The following CFAP58 variants were observed in gnomAD, a reference collection of about 807,000 sequenced individuals.
CFAP58 encodes cilia and flagella associated protein 58.
In CFAP58, 88 loss-of-function variants were observed where a neutral mutation model predicts 119.5. The observed-to-expected ratio is 0.74, with a 90% CI of 0.62 to 0.88. The LOEUF is 0.88. Ranked by LOEUF, CFAP58 falls within the 40% of genes least tolerant of loss-of-function variation. CFAP58 has a pLI of 0.00. For missense variants in CFAP58, 990 were observed against 1,021.2 expected (o/e 0.97, Z 0.42); for synonymous variants, 365 against 366.3 (o/e 1.00, Z 0.04).
At chr10:104,398,226 A>G (rs1173778173) in intron 11 of CFAP58, among the ~76,000 whole-genome samples, 2 of 152,238 alleles carry the variant, frequency 1.3e-5, no homozygotes, top group South Asian at 4.1e-4. Context: ...CTTGTTGGTT[A>G]TCCATCATCT....
At chr10:104,440,615 A>G (rs1051294332) in intron 15 of CFAP58, among the ~76,000 whole-genome samples, 3 of 152,222 alleles carry the variant, frequency 2.0e-5, no homozygotes, top group Non-Finnish European at 2.9e-5. Context: ...TAACAGAGGT[A>G]CATCAATAAC....
At chr10:104,387,258 T>A (rs1441452794) in intron 9 of CFAP58, among the ~76,000 whole-genome samples, 1 of 152,258 alleles carries the variant, frequency 6.6e-6, no homozygotes, top group African/African-American at 2.4e-5. Context: ...GAGGTTCAGC[T>A]GACCTAAACT....
chr10:104,399,422 A>G lies in CFAP58; in HGVS notation c.1737A>G (p.Glu579=), dbSNP rs61732098. The G allele has an allele frequency of 0.013, 20,930 of 1,613,946 alleles. 287 individuals are homozygous for G. Among genetic ancestry groups the G allele is most frequent in the South Asian group, 0.048 (4,391 of 91,068 alleles). ...LETKHFIEKQ[E]AEERKLLRII... ...CAAAACACTTTATTGAAAAGCAAGAAGCTGAAGAGAGAAAACTCCTGCGAA... is the reference window on the plus strand; with the variant it reads ...CAAAACACTTTATTGAAAAGCAAGAGGCTGAAGAGAGAAAACTCCTGCGAA... The change falls in exon 12 of 18, where the codon GAA becomes GAG. Residue 579 remains glutamate, a synonymous_variant. Transcript: ENST00000369704.
At chr10:104,397,278 C>T (rs2012181441) in intron 11 of CFAP58, among the ~76,000 whole-genome samples, 1 of 152,022 alleles carries the variant, frequency 6.6e-6, no homozygotes. Context: ...ACAGACAATC[C>T]CCCCAAGTGG....
chr10:104,400,148 C>G lies in CFAP58; in HGVS notation c.1816-532C>G, dbSNP rs566607341. Reference sequence around the variant, plus strand: ...GGCTACAGATTATTAGATGATTGGACTATTATTATTATTTTTGAGACAGAG... The same window carrying G: ...GGCTACAGATTATTAGATGATTGGAGTATTATTATTATTTTTGAGACAGAG... On this transcript the variant is annotated intron_variant, in intron 12 of 17. Coordinates refer to ENST00000369704, the MANE Select transcript of CFAP58 (RefSeq NM_001008723.2). 3.9e-5 allele frequency among the ~76,000 whole-genome samples: 6 copies of G among 152,006 alleles called. No individual in the cohort carries two copies. The East Asian group carries it at 1.2e-3, about 29-fold the overall frequency.
Position 104,406,806 on chromosome 10 carries a change from T to G in CFAP58, c.2256+13T>G, listed in dbSNP as rs1231458992. 1 of 1,602,588 alleles carries G rather than the reference T, an allele frequency of 6.2e-7. No homozygotes were observed. The highest frequency in any genetic ancestry group is 1.3e-5 in the African/African-American group (1 of 74,722). On this transcript the variant is annotated intron_variant, in intron 15 of 17. Coordinates refer to ENST00000369704, the MANE Select transcript of CFAP58 (RefSeq NM_001008723.2). Reference sequence around the variant, plus strand: ...GCTGCTCCTCCAGGTAGCATTTTTGTTTTCTGTACTCATTGTACAAGTCCT... The same window carrying G: ...GCTGCTCCTCCAGGTAGCATTTTTGGTTTCTGTACTCATTGTACAAGTCCT...
chr10:104,355,302 G>A (rs2014529204), intron 1 of CFAP58, among the ~76,000 whole-genome samples: 1 of 152,164 alleles, frequency 6.6e-6, no homozygotes, highest in South Asian at 2.1e-4. Context: ...CAGCCTCCCA[G>A]AGGCACCAGC....
At position 104,454,560 on chromosome 10, in the gene CFAP58, C is replaced by A; in HGVS notation, c.*30C>A. ...AAGCTGCTGGCTGTTTCCAGTTGAA[C>A]AACTCATGAAATCTGCTCTGGGACA... is the stretch of plus-strand genomic sequence containing the variant. On this transcript the variant is annotated 3_prime_UTR_variant, in exon 18 of 18. Transcript: ENST00000369704. 1 of 1,519,974 alleles carries A rather than the reference C, an allele frequency of 6.6e-7. No homozygotes were observed. Among genetic ancestry groups the A allele is most frequent in the Non-Finnish European group, 9.1e-7 (1 of 1,094,510 alleles). The allele number at this position is 1,519,974 out of a possible 1,614,324, so 94.2% of individuals were successfully genotyped here. A position where few individuals can be genotyped will look rare whatever the true frequency, so the allele number is the denominator to read the frequency against.
intron 1 of CFAP58, among the ~76,000 whole-genome samples, 188 bp downstream of exon 1, chr10:104,354,094 T>A (rs906897266): frequency 3.9e-5 from 6 of 152,196 alleles, no homozygotes; most frequent in African/African-American, 1.4e-4. Flanking sequence ...TTCTCCTTCA[T>A]TTGTGTGGAC....
chr10:104,359,598 A>G (rs2014639890), intron 2 of CFAP58, among the ~76,000 whole-genome samples: 1 of 152,196 alleles, frequency 6.6e-6, no homozygotes, highest in Admixed American at 6.5e-5. Flanking sequence ...AGGTCAGGAG[A>G]CCAGCCTGGC....
chr10:104,432,217 A>G (rs2012860092), intron 15 of CFAP58, among the ~76,000 whole-genome samples: 1 of 152,244 alleles, frequency 6.6e-6, no homozygotes, highest in Admixed American at 6.5e-5. Flanking sequence ...AATAGGAATA[A>G]CATTTGTAAC....
chr10:104,425,613 G>A lies in CFAP58; in HGVS notation c.2256+18820G>A, dbSNP rs571892950. Among the ~76,000 whole-genome samples the A allele has an allele frequency of 3.9e-5, 6 of 152,286 alleles. No homozygotes were observed. The East Asian group carries it at 1.2e-3, about 29-fold the overall frequency. On this transcript the variant is annotated intron_variant, in intron 15 of 17. Coordinates refer to ENST00000369704, the MANE Select transcript of CFAP58 (RefSeq NM_001008723.2). ...GTATTAGACCAGTTTTACAAATGAG[G>A]AAGCTGATGCTCAGAGTGATCAAGT...
chr10:104,359,554 G>A (rs749955586), intron 2 of CFAP58, among the ~76,000 whole-genome samples: 6 of 152,232 alleles, frequency 3.9e-5, no homozygotes, highest in South Asian at 2.1e-4. Context: ...TGTAATCCCA[G>A]CACTCTGGGA....
intron 1 of CFAP58, among the ~76,000 whole-genome samples, chr10:104,357,205 A>C (rs1180360073): frequency 6.6e-6 from 1 of 152,228 alleles, no homozygotes; most frequent in Non-Finnish European, 1.5e-5. Context: ...CATCTAAGTA[A>C]TAGCCAGACT....
At chr10:104,346,583 C>CATTT in the CFAP58 span, among the ~76,000 whole-genome samples, 1 of 144,982 alleles carries the variant, frequency 6.9e-6, no homozygotes, top group South Asian at 2.2e-4. Context: ...TTTACCCACT[C>CATTT]ATTTATTTAT....
chr10:104,431,365 T>C (rs2012844339), intron 15 of CFAP58, among the ~76,000 whole-genome samples: 1 of 152,176 alleles, frequency 6.6e-6, no homozygotes, highest in South Asian at 2.1e-4. Flanking sequence ...ATAGACATAG[T>C]GTTATGGGAT....
the CFAP58 span, among the ~76,000 whole-genome samples, chr10:104,342,823 T>G: frequency 1.9e-5 from 2 of 107,016 alleles, no homozygotes; most frequent in African/African-American, 7.5e-5. Flanking sequence ...CCAGCCTGGG[T>G]GAGGGAGTGA....
chr10:104,385,622 G>T (rs956393491), intron 9 of CFAP58, among the ~76,000 whole-genome samples: 1 of 152,038 alleles, frequency 6.6e-6, no homozygotes, highest in African/African-American at 2.4e-5. Flanking sequence ...TTCAAGACCA[G>T]ACTGGGCAAC....
chr10:104,431,898 C>T (rs1040418709), intron 15 of CFAP58, among the ~76,000 whole-genome samples: 1 of 152,106 alleles, frequency 6.6e-6, no homozygotes, highest in Non-Finnish European at 1.5e-5. Flanking sequence ...TGAGACCTAT[C>T]CTTGATACAC....
Sources: gnomAD v4.1 joint callset for allele counts (sites outside exome capture counted in the v4.1 genomes callset) on GRCh38, gnomAD v4.1.1 for gene constraint, MANE v1.5 for transcripts, NCBI Gene and HGNC (gene_info 2026-07-23, HGNC 2026-07-21) for gene names.